The following SLC44A1 variants were observed in gnomAD, a reference collection of about 807,000 sequenced individuals.
The protein encoded by SLC44A1 is choline transporter-like protein 1.
SLC44A1 carries 26 observed loss-of-function variants against 79.3 expected under a neutral mutation model. The observed-to-expected ratio is 0.33, with a 90% confidence interval of 0.24 to 0.46. The LOEUF (loss-of-function observed/expected upper bound fraction) is 0.46, where lower values mean the gene tolerates loss of function less well. Among genes scored for constraint, SLC44A1 ranks in the 20% least tolerant of loss-of-function variants. The pLI is 1.00. For synonymous variants in SLC44A1, 263 were observed against 286.2 expected, an observed-to-expected ratio of 0.92 and a Z score of 0.82; for missense variants, 688 against 798.1, an observed-to-expected ratio of 0.86 and a Z score of 1.66.
At chr9:105,363,033 A>G in intron 9 of SLC44A1, 26 bp downstream of exon 9, 1 of 1,528,424 alleles carries the variant, frequency 6.5e-7, no homozygotes, top group African/African-American at 1.4e-5. Flanking sequence ...TCTTTCTCTT[A>G]GTGACAAACG....
At chr9:105,280,815 G>C (rs1644523212) in intron 1 of SLC44A1, among the ~76,000 whole-genome samples, 2 of 152,288 alleles carry the variant, frequency 1.3e-5, no homozygotes, top group Admixed American at 6.5e-5. Context: ...GATTTCCATG[G>C]TGTATATACT....
At chr9:105,304,948 T>A (rs1397197354) in intron 2 of SLC44A1, among the ~76,000 whole-genome samples, 2 of 66,012 alleles carry the variant, frequency 3.0e-5, no homozygotes, top group Non-Finnish European at 5.4e-5. Context: ...TCTATCGTTT[T>A]TTTTTTTTTT....
At chr9:105,405,172 T>C (rs994151092) in intron 15 of SLC44A1, among the ~76,000 whole-genome samples, 1 of 151,834 alleles carries the variant, frequency 6.6e-6, no homozygotes, top group Admixed American at 6.6e-5. Context: ...ATACAAAAAA[T>C]TAGCTGGGTG....
chr9:105,364,574 G>C lies in SLC44A1; in HGVS notation c.1107G>C (p.Glu369Asp). Reference sequence around the variant, plus strand: ...TCCTAGGCAGTCCTGTTCAGAATGAGCAAGGCTTTGTGGAGTTCAAAATTT... The same window carrying C: ...TCCTAGGCAGTCCTGTTCAGAATGACCAAGGCTTTGTGGAGTTCAAAATTT... ...LGTTGSPVQN[E>D]QGFVEFKISG... is the part of the protein sequence containing the mutation. The change falls in exon 10 of 16, where the codon GAG becomes GAC. Residue 369 changes from glutamate (E) to aspartate (D), a missense_variant. Coordinates refer to ENST00000374720, the MANE Select transcript of SLC44A1 (RefSeq NM_080546.5). The C allele has an allele frequency of 1.9e-6, 3 of 1,613,680 alleles. No individual in the cohort carries two copies. Among genetic ancestry groups the C allele is most frequent in the Non-Finnish European group, 2.5e-6 (3 of 1,179,860 alleles).
rs1338461938 is a variant in SLC44A1 at position 105,339,833 on chromosome 9, AAAAC to A, written c.406+4142_406+4145del. 2.6e-5 allele frequency among the ~76,000 whole-genome samples: 4 copies of A among 152,184 alleles called. No homozygotes were observed. The East Asian group carries it at 5.8e-4, about 22-fold the overall frequency. ...GAGACCCTGTCTCAAAAAAACCTCAAAAACAAACAAAAACAAAGAAAATGTGGTG... is the reference window on the plus strand; with the variant it reads ...GAGACCCTGTCTCAAAAAAACCTCAAAAACAAAAACAAAGAAAATGTGGTG... On this transcript the variant is annotated intron_variant, in intron 4 of 15. Coordinates refer to ENST00000374720, the MANE Select transcript of SLC44A1 (RefSeq NM_080546.5).
chr9:105,287,878 A>G (rs144219524), intron 1 of SLC44A1, among the ~76,000 whole-genome samples: 52 of 152,320 alleles, frequency 3.4e-4, no homozygotes, highest in African/African-American at 1.2e-3. Context: ...TCTCCCATCA[A>G]TAAGTGTTAG....
chr9:105,328,976 T>C (rs1369902933), intron 3 of SLC44A1, among the ~76,000 whole-genome samples: 4 of 152,096 alleles, frequency 2.6e-5, no homozygotes, highest in African/African-American at 9.7e-5. Context: ...GGCATTTGGG[T>C]CCCACCCCAG....
At chr9:105,375,153 C>A (rs758347036) in intron 13 of SLC44A1, among the ~76,000 whole-genome samples, 1 of 152,112 alleles carries the variant, frequency 6.6e-6, no homozygotes, top group Non-Finnish European at 1.5e-5. Context: ...GCAATTCTCC[C>A]GCTTCAGCCT....
intron 2 of SLC44A1, among the ~76,000 whole-genome samples, chr9:105,301,644 A>G (rs1035301212): frequency 3.9e-4 from 59 of 152,324 alleles, no homozygotes; most frequent in African/African-American, 1.3e-3. Context: ...TCTATGCTCA[A>G]CACTTTAGTA....
At chr9:105,307,388 A>C (rs1405802693) in intron 2 of SLC44A1, among the ~76,000 whole-genome samples, 1 of 152,176 alleles carries the variant, frequency 6.6e-6, no homozygotes, top group African/African-American at 2.4e-5. Context: ...TCACGCATGT[A>C]ATCCCAGCAC....
chr9:105,356,189 A>ATT (rs555329166), intron 5 of SLC44A1, 23 bp from the exon 6 acceptor site: 1 of 1,581,326 alleles, frequency 6.3e-7, no homozygotes. Context: ...TTTTTTTCTG[A>ATT]TTTTTTTTTC....
chr9:105,289,873 G>T (rs963245146), intron 1 of SLC44A1, among the ~76,000 whole-genome samples: 1 of 151,556 alleles, frequency 6.6e-6, no homozygotes, highest in African/African-American at 2.4e-5. Flanking sequence ...GAGTGCAATG[G>T]TGGAATATCA....
intron 3 of SLC44A1, among the ~76,000 whole-genome samples, chr9:105,321,054 A>G (rs927020979): frequency 2.0e-5 from 3 of 152,180 alleles, no homozygotes; most frequent in African/African-American, 7.2e-5. Flanking sequence ...TTGATGAGCA[A>G]AAGTTTTACA....
chr9:105,392,375 T>C lies in SLC44A1; in HGVS notation c.*3319T>C. On this transcript the variant is annotated 3_prime_UTR_variant, in exon 16 of 16. Coordinates refer to ENST00000374720, the MANE Select transcript of SLC44A1 (RefSeq NM_080546.5). ...AAAGTTATGCTAGAAATGTTTTTCT[T>C]TTGTAGAGATGCTCTCTCTCTCTCT... 1 of 984,008 alleles carries C rather than the reference T, an allele frequency of 1.0e-6. No individual in the cohort carries two copies. The highest frequency in any genetic ancestry group is 1.7e-5 in the African/African-American group (1 of 57,234). 61.0% of individuals were successfully genotyped at this position (984,008 alleles called of 1,614,324 possible).
At chr9:105,408,402 T>TTTGTTGTTGTTGTTG (rs71364094) in intron 15 of SLC44A1, among the ~76,000 whole-genome samples, 63 of 151,854 alleles carry the variant, frequency 4.1e-4, no homozygotes, top group African/African-American at 1.0e-3. Flanking sequence ...TTGTCACTCA[T>TTTGTTGTTGTTGTTG]TTGTTGTTGT....
chr9:105,396,034 T>G lies in SLC44A1; in HGVS notation c.*6978T>G. On this transcript the variant is annotated 3_prime_UTR_variant, in exon 16 of 16. Coordinates refer to ENST00000374720, the MANE Select transcript of SLC44A1 (RefSeq NM_080546.5). ...CCATCCTCTAGGTTCCTGTAGTCTGTGCTCAGAACTTGGTTTTTGGCCCCT... is the reference window on the plus strand; with the variant it reads ...CCATCCTCTAGGTTCCTGTAGTCTGGGCTCAGAACTTGGTTTTTGGCCCCT... 1 of 985,410 alleles carries G rather than the reference T, an allele frequency of 1.0e-6. No homozygotes were observed. The highest frequency in any genetic ancestry group is 1.2e-6 in the Non-Finnish European group (1 of 829,932). 61.0% of individuals were successfully genotyped at this position (985,410 alleles called of 1,614,324 possible).
chr9:105,293,387 G>A (rs1339933587), intron 1 of SLC44A1, among the ~76,000 whole-genome samples: 2 of 152,160 alleles, frequency 1.3e-5, no homozygotes, highest in African/African-American at 2.4e-5. Flanking sequence ...AAGGGAGCAG[G>A]AATATTCAGT....
intron 1 of SLC44A1, among the ~76,000 whole-genome samples, chr9:105,268,180 T>A (rs1344972830): frequency 2.0e-5 from 3 of 152,194 alleles, no homozygotes; most frequent in African/African-American, 7.2e-5. Flanking sequence ...TGCAACCCAA[T>A]GAATCCTTCA....
chr9:105,267,965 G>A (rs2131224559), intron 1 of SLC44A1, among the ~76,000 whole-genome samples: 1 of 152,196 alleles, frequency 6.6e-6, no homozygotes, highest in East Asian at 1.9e-4. Context: ...TCTCTTCTGG[G>A]CTCCTGGAAA....
Sources: gnomAD v4.1 joint callset for allele counts (sites outside exome capture counted in the v4.1 genomes callset) on GRCh38, gnomAD v4.1.1 for gene constraint, MANE v1.5 for transcripts, NCBI Gene and HGNC (gene_info 2026-07-23, HGNC 2026-07-21) for gene names.